CFAP61: variants seen among roughly 807,000 people sequenced by gnomAD.
CFAP61 encodes cilia- and flagella-associated protein 61.
A neutral mutation model predicts 135.6 loss-of-function variants in CFAP61; 107 were observed. The observed-to-expected ratio is 0.79, with a 90% CI of 0.67 to 0.93. The LOEUF is 0.93. Among genes scored for constraint, CFAP61 ranks in the 40% least tolerant of loss-of-function variants. CFAP61 has a pLI of 0.00. For synonymous variants in CFAP61, 575 were observed against 578.5 expected, an observed-to-expected ratio of 0.99 and a Z score of 0.09; for missense variants, 1,507 against 1,556.2, an observed-to-expected ratio of 0.97 and a Z score of 0.53.
Position 20,174,276 on chromosome 20 carries a change from C to T in CFAP61, c.1385+4816C>T, listed in dbSNP as rs567227440. Among the ~76,000 whole-genome samples, 11 of 152,298 alleles carry T rather than the reference C, an allele frequency of 7.2e-5. No homozygotes were observed. In the South Asian group the frequency reaches 1.7e-3, roughly 23 times the overall value. On this transcript the variant is annotated intron_variant, in intron 13 of 26. Transcript: ENST00000245957. ...TCCTCCAGTTTGTCGCCAGCGCACC[C>T]GCCAGCCCACACCAGTTTCCCTGCC...
intron 1 of CFAP61, among the ~76,000 whole-genome samples, chr20:20,055,157 A>G (rs1332555881): frequency 6.6e-6 from 1 of 152,182 alleles, no homozygotes; most frequent in Non-Finnish European, 1.5e-5. Flanking sequence ...TCTTTTTTAA[A>G]TAATGACCTG....
At chr20:20,321,143 A>C (rs2057490469) in intron 25 of CFAP61, among the ~76,000 whole-genome samples, 1 of 152,190 alleles carries the variant, frequency 6.6e-6, no homozygotes, top group South Asian at 2.1e-4. Flanking sequence ...AAACTGTGAT[A>C]CAAACTATTT....
At chr20:20,085,201 C>T (rs1173282253) in intron 6 of CFAP61, 2 of 985,324 alleles carry the variant, frequency 2.0e-6, no homozygotes, top group African/African-American at 1.7e-5. Flanking sequence ...CACAGTGGCT[C>T]TCCTTGCATC....
chr20:20,278,144 T>C (rs1046226008), intron 22 of CFAP61, among the ~76,000 whole-genome samples: 17 of 152,296 alleles, frequency 1.1e-4, no homozygotes, highest in Admixed American at 3.3e-4. Context: ...CCCCAGGACA[T>C]TCTGTCAACT....
At position 20,318,750 on chromosome 20, in the gene CFAP61, G is replaced by A. The variant is rs188700173; in HGVS notation, c.3422+20364G>A. Among the ~76,000 whole-genome samples the A allele has an allele frequency of 1.1e-3, 174 of 152,356 alleles. 2 individuals are homozygous for A. Among genetic ancestry groups the A allele is most frequent in the Middle Eastern group, 6.8e-3 (2 of 294 alleles). ...ATGTGTCTGCCCACTTAGACCATCA[G>A]CATGGCCATGTCCCAGCCCTGAGGC... On this transcript the variant is annotated intron_variant, in intron 25 of 26. Transcript: ENST00000245957.
At chr20:20,132,289 G>GTATA (rs897090983) in intron 8 of CFAP61, among the ~76,000 whole-genome samples, 2 of 150,896 alleles carry the variant, frequency 1.3e-5, no homozygotes, top group Non-Finnish European at 3.0e-5. Flanking sequence ...ATAGTCTGTT[G>GTATA]TATATATATA....
chr20:20,272,487 G>A (rs944540651), intron 21 of CFAP61, among the ~76,000 whole-genome samples: 5 of 151,814 alleles, frequency 3.3e-5, no homozygotes, highest in Admixed American at 6.6e-5. Flanking sequence ...TATGTCATAG[G>A]CCCCCCATAA....
At chr20:20,064,423 G>A (rs6081859) in intron 2 of CFAP61, among the ~76,000 whole-genome samples, 73,035 of 151,818 alleles carry the variant, frequency 0.48, 18,373 homozygotes, top group Non-Finnish European at 0.55. Context: ...AATTACCAGC[G>A]TCACTACTCT....
intron 25 of CFAP61, among the ~76,000 whole-genome samples, chr20:20,318,444 A>G (rs924523576): frequency 6.6e-6 from 1 of 152,236 alleles, no homozygotes; most frequent in Non-Finnish European, 1.5e-5. Context: ...CAAGTGACAG[A>G]AGCCCAGCTG....
intron 7 of CFAP61, chr20:20,094,830 G>A (rs1475997278): frequency 6.6e-6 from 1 of 152,224 alleles, no homozygotes; most frequent in African/African-American, 2.4e-5. Context: ...AATCTGAAGT[G>A]AGCCATGTCT....
At chr20:20,183,620 A>C (rs1451711710) in intron 13 of CFAP61, among the ~76,000 whole-genome samples, 2 of 152,244 alleles carry the variant, frequency 1.3e-5, no homozygotes, top group Non-Finnish European at 2.9e-5. Context: ...TAAAAATCAA[A>C]AAGTAGGTGA....
intron 7 of CFAP61, among the ~76,000 whole-genome samples, chr20:20,097,937 A>G (rs1221143980): frequency 1.3e-5 from 2 of 152,196 alleles, no homozygotes; most frequent in African/African-American, 4.8e-5. Context: ...GGGCACTGGA[A>G]CAATGACCTG....
At chr20:20,264,500 A>G (rs972279592) in intron 21 of CFAP61, among the ~76,000 whole-genome samples, 1 of 152,176 alleles carries the variant, frequency 6.6e-6, no homozygotes, top group African/African-American at 2.4e-5. Flanking sequence ...TTTTGCATCT[A>G]TGTATGTTTA....
rs573725510 is a variant in CFAP61 at position 20,234,468 on chromosome 20, G to A, written c.2060+6092G>A. ...GAAGAAGCAAGGGTTAGGTAAGAAG[G>A]CTGTGGGGAGAGGATTTTGTGGGTT... On this transcript the variant is annotated intron_variant, in intron 18 of 26. Transcript: ENST00000245957. Among the ~76,000 whole-genome samples the A allele has an allele frequency of 1.9e-3, 290 of 152,328 alleles. 2 individuals are homozygous for A. Among genetic ancestry groups the A allele is most frequent in the Non-Finnish European group, 3.6e-3 (242 of 68,022 alleles).
At chr20:20,340,748 G>A (rs1407462974) in intron 25 of CFAP61, among the ~76,000 whole-genome samples, 1 of 152,158 alleles carries the variant, frequency 6.6e-6, no homozygotes, top group African/African-American at 2.4e-5. Context: ...AAACATGGGG[G>A]ATTTCAGCCG....
At chr20:20,300,888 G>A (rs558419089) in intron 25 of CFAP61, among the ~76,000 whole-genome samples, 3 of 152,212 alleles carry the variant, frequency 2.0e-5, no homozygotes, top group African/African-American at 7.2e-5. Context: ...TTACAGGCAT[G>A]AGCCACCGTG....
At chr20:20,330,726 G>C (rs1365298244) in intron 25 of CFAP61, among the ~76,000 whole-genome samples, 1 of 152,122 alleles carries the variant, frequency 6.6e-6, no homozygotes, top group Non-Finnish European at 1.5e-5. Context: ...GTGCAGCGGT[G>C]GGCCTCTGTT....
At chr20:20,094,394 C>T (rs1333733856) in intron 7 of CFAP61, 1 of 152,122 alleles carries the variant, frequency 6.6e-6, no homozygotes, top group East Asian at 1.9e-4. Flanking sequence ...ATACAGACCC[C>T]AATAAGGATT....
chr20:20,281,283 T>G, intron 22 of CFAP61, among the ~76,000 whole-genome samples: 1 of 151,248 alleles, frequency 6.6e-6, no homozygotes, highest in East Asian at 1.9e-4. Context: ...AGTGCAATGT[T>G]TAATAAAAGT....
Sources: allele counts gnomAD v4.1 joint callset (sites outside exome capture counted in the v4.1 genomes callset), GRCh38; gene constraint gnomAD v4.1.1; transcripts MANE v1.5; gene names NCBI Gene and HGNC (gene_info 2026-07-23, HGNC 2026-07-21).